ASIC2: variants seen among roughly 807,000 people sequenced by gnomAD.
ASIC2 encodes the protein acid sensing ion channel subunit 2.
Under a neutral mutation model 57.3 loss-of-function variants are expected in ASIC2, and 25 were observed. The ratio of observed to expected loss-of-function variants is 0.44; its 90% confidence interval spans 0.32 to 0.61. ASIC2 has a LOEUF of 0.61. Ranked by LOEUF, ASIC2 falls within the 20% of genes least tolerant of loss-of-function variation. ASIC2 has a pLI of 0.06. For missense variants in ASIC2, 641 were observed against 738.1 expected, an observed-to-expected ratio of 0.87 and a Z score of 1.52; for synonymous variants, 319 against 307.5, an observed-to-expected ratio of 1.04 and a Z score of -0.39.
intron 1 of ASIC2, among the ~76,000 whole-genome samples, chr17:33,409,816 C>T (rs1222189744): frequency 6.6e-6 from 1 of 152,170 alleles, no homozygotes; most frequent in African/African-American, 2.4e-5. Context: ...CCTCCAGGAC[C>T]CCAGCCCAGT....
At chr17:33,755,893 A>T (rs965454561) in intron 1 of ASIC2, among the ~76,000 whole-genome samples, 3 of 152,208 alleles carry the variant, frequency 2.0e-5, no homozygotes, top group Non-Finnish European at 4.4e-5. Flanking sequence ...AGGAGGGCAG[A>T]GAGGGCCCCT....
At chr17:33,512,612 A>G (rs927488099) in intron 1 of ASIC2, among the ~76,000 whole-genome samples, 2 of 152,066 alleles carry the variant, frequency 1.3e-5, no homozygotes, top group Non-Finnish European at 2.9e-5. Context: ...GACCAGGGAA[A>G]AGACCCTAGT....
intron 1 of ASIC2, among the ~76,000 whole-genome samples, chr17:33,168,519 T>C (rs554823843): frequency 1.6e-4 from 25 of 152,286 alleles, no homozygotes; most frequent in Admixed American, 1.4e-3. Flanking sequence ...AAAGGCATTA[T>C]GATGAGATCT....
intron 1 of ASIC2, among the ~76,000 whole-genome samples, chr17:34,123,893 G>C (rs574207506): frequency 6.6e-6 from 1 of 152,122 alleles, no homozygotes; most frequent in African/African-American, 2.4e-5. Flanking sequence ...GACTAGCCTG[G>C]GCAACATGGC....
chr17:33,611,481 C>G (rs544357092), intron 1 of ASIC2, among the ~76,000 whole-genome samples: 51 of 152,328 alleles, frequency 3.3e-4, no homozygotes, highest in African/African-American at 1.2e-3. Context: ...CTTAAAATCT[C>G]AGTGGCTTCC....
intron 1 of ASIC2, among the ~76,000 whole-genome samples, chr17:33,944,728 C>A (rs557819386): frequency 1.3e-5 from 2 of 152,310 alleles, no homozygotes; most frequent in Admixed American, 6.5e-5. Context: ...ATGAGCTAAT[C>A]GTGCTGAAAG....
chr17:33,892,646 A>T (rs780952326), intron 1 of ASIC2, among the ~76,000 whole-genome samples: 7 of 152,228 alleles, frequency 4.6e-5, no homozygotes, highest in Non-Finnish European at 1.0e-4. Flanking sequence ...CACATGGGGC[A>T]TCCTTGAGAA....
chr17:33,775,658 G>A (rs553725258), intron 1 of ASIC2, among the ~76,000 whole-genome samples: 4 of 152,110 alleles, frequency 2.6e-5, no homozygotes, highest in Non-Finnish European at 4.4e-5. Context: ...ACATGTGCAT[G>A]TTTGTGGTAT....
chr17:33,154,215 C>T (rs1904910036), intron 1 of ASIC2, among the ~76,000 whole-genome samples: 1 of 152,114 alleles, frequency 6.6e-6, no homozygotes, highest in Non-Finnish European at 1.5e-5. Flanking sequence ...CTATGTTGCC[C>T]AGGCTTGGGT....
chr17:33,045,028 A>G (rs1183682175), intron 3 of ASIC2, among the ~76,000 whole-genome samples: 1 of 152,126 alleles, frequency 6.6e-6, no homozygotes, highest in African/African-American at 2.4e-5. Flanking sequence ...GAGGTGGGGA[A>G]GCCTCAAGCA....
chr17:33,456,120 C>T (rs560982065), intron 1 of ASIC2, among the ~76,000 whole-genome samples: 2 of 152,270 alleles, frequency 1.3e-5, no homozygotes, highest in Admixed American at 1.3e-4. Context: ...ATATGTTTTC[C>T]TTGAATTGAT....
chr17:33,665,870 G>C (rs1358946789), intron 1 of ASIC2, among the ~76,000 whole-genome samples: 2 of 152,178 alleles, frequency 1.3e-5, no homozygotes, highest in Non-Finnish European at 2.9e-5. Context: ...TCCAGAGACT[G>C]TTTGGGCCTC....
At chr17:34,099,209 A>G (rs192800461) in intron 1 of ASIC2, among the ~76,000 whole-genome samples, 1,834 of 126,496 alleles carry the variant, frequency 0.014, 155 homozygotes, top group East Asian at 0.054. Context: ...AGAAAGAAAG[A>G]AAGGAAAGAA....
At chr17:33,203,334 G>A (rs1046221980) in intron 1 of ASIC2, among the ~76,000 whole-genome samples, 1 of 152,156 alleles carries the variant, frequency 6.6e-6, no homozygotes, top group Non-Finnish European at 1.5e-5. Flanking sequence ...TAGGCATTCT[G>A]GGTAGCAATT....
chr17:33,678,835 C>T (rs1597832511), intron 1 of ASIC2, among the ~76,000 whole-genome samples: 1 of 152,242 alleles, frequency 6.6e-6, no homozygotes, highest in African/African-American at 2.4e-5. Flanking sequence ...CTCTTAGCTT[C>T]AGAAACCCTC....
chr17:33,849,627 T>G (rs317397), intron 1 of ASIC2, among the ~76,000 whole-genome samples: 1 of 151,844 alleles, frequency 6.6e-6, no homozygotes, highest in Non-Finnish European at 1.5e-5. Flanking sequence ...GCCTTCCCCT[T>G]GAGTATGGAA....
chr17:33,951,360 A>G (rs936071005), intron 1 of ASIC2, among the ~76,000 whole-genome samples: 1 of 152,120 alleles, frequency 6.6e-6, no homozygotes, highest in African/African-American at 2.4e-5. Context: ...GGTAGAACTG[A>G]GATTTCAATC....
At chr17:33,372,256 A>ATAGG (rs1909098192) in intron 1 of ASIC2, among the ~76,000 whole-genome samples, 1 of 151,854 alleles carries the variant, frequency 6.6e-6, no homozygotes, top group South Asian at 2.1e-4. Flanking sequence ...AGGAGGAGTG[A>ATAGG]TAGGTAGCTG....
intron 1 of ASIC2, among the ~76,000 whole-genome samples, chr17:33,512,393 GC>G (rs1748484218): frequency 6.6e-6 from 1 of 152,180 alleles, no homozygotes; most frequent in Admixed American, 6.5e-5. Flanking sequence ...ATAGCTGTAG[GC>G]AGCCTGTCCC....
Sources: allele counts gnomAD v4.1 joint callset (sites outside exome capture counted in the v4.1 genomes callset), GRCh38; gene constraint gnomAD v4.1.1; transcripts MANE v1.5; gene names NCBI Gene and HGNC (gene_info 2026-07-23, HGNC 2026-07-21).